GMDS: variants seen among roughly 807,000 people sequenced by gnomAD.
GMDS encodes GDP-mannose 4,6 dehydratase.
Under a neutral mutation model 49.9 loss-of-function variants are expected in GMDS, and 20 were observed. The observed-to-expected ratio is 0.40, with a 90% CI of 0.28 to 0.58. The LOEUF (loss-of-function observed/expected upper bound fraction) is 0.58. GMDS is among the 20% of genes least tolerant of loss of function. The pLI, the probability that GMDS is intolerant of heterozygous loss-of-function variation, is 0.42. For missense variants in GMDS, 362 were observed against 481.4 expected, an observed-to-expected ratio of 0.75 and a Z score of 2.32; for synonymous variants, 177 against 178.6, an observed-to-expected ratio of 0.99 and a Z score of 0.07.
At chr6:1,923,005 G>C (rs1761797513) in intron 7 of GMDS, among the ~76,000 whole-genome samples, 1 of 152,148 alleles carries the variant, frequency 6.6e-6, no homozygotes, top group South Asian at 2.1e-4. Flanking sequence ...AAGAGCTGTT[G>C]GCTTTAAAAG....
chr6:1,870,279 T>C (rs1189874672), intron 7 of GMDS, among the ~76,000 whole-genome samples: 3 of 152,226 alleles, frequency 2.0e-5, no homozygotes, highest in African/African-American at 7.2e-5. Context: ...GCTATGTCAC[T>C]GGACACTGAG....
At chr6:1,808,710 G>T (rs1770282006) in intron 7 of GMDS, among the ~76,000 whole-genome samples, 1 of 152,068 alleles carries the variant, frequency 6.6e-6, no homozygotes, top group Non-Finnish European at 1.5e-5. Flanking sequence ...TTGCCATTTA[G>T]AAAAAGATCA....
intron 7 of GMDS, among the ~76,000 whole-genome samples, chr6:1,846,875 T>G (rs554829642): frequency 6.6e-6 from 1 of 152,286 alleles, no homozygotes; most frequent in East Asian, 1.9e-4. Context: ...CACTGTGGAC[T>G]CTACTAAACC....
chr6:1,711,327 T>A (rs1310930839), intron 9 of GMDS, among the ~76,000 whole-genome samples: 1 of 152,216 alleles, frequency 6.6e-6, no homozygotes, highest in Admixed American at 6.5e-5. Flanking sequence ...TGAGGATGAA[T>A]CCTGGAAGAC....
At chr6:1,724,366 A>AG (rs1766497325) in intron 9 of GMDS, among the ~76,000 whole-genome samples, 1 of 152,180 alleles carries the variant, frequency 6.6e-6, no homozygotes, top group Non-Finnish European at 1.5e-5. Flanking sequence ...ACGGCAGGAA[A>AG]GGGGGTCGAT....
At chr6:1,871,664 C>T (rs1199713002) in intron 7 of GMDS, among the ~76,000 whole-genome samples, 1 of 152,118 alleles carries the variant, frequency 6.6e-6, no homozygotes, top group Non-Finnish European at 1.5e-5. Context: ...GATACTTGTT[C>T]CATGCTAAAT....
intron 7 of GMDS, among the ~76,000 whole-genome samples, chr6:1,925,941 G>C (rs1384742950): frequency 6.6e-6 from 1 of 152,168 alleles, no homozygotes; most frequent in Non-Finnish European, 1.5e-5. Flanking sequence ...TGGATATTGA[G>C]AGAATGTCGA....
At chr6:2,005,218 T>C (rs1011043535) in intron 4 of GMDS, among the ~76,000 whole-genome samples, 3 of 152,168 alleles carry the variant, frequency 2.0e-5, no homozygotes, top group Admixed American at 2.0e-4. Flanking sequence ...CAATGGGGCC[T>C]GGATTAATAA....
chr6:1,860,017 C>T (rs1758109761), intron 7 of GMDS, among the ~76,000 whole-genome samples: 1 of 151,946 alleles, frequency 6.6e-6, no homozygotes, highest in Non-Finnish European at 1.5e-5. Context: ...AGTCCTGAGC[C>T]CCACTGGCCT....
intron 7 of GMDS, among the ~76,000 whole-genome samples, chr6:1,806,039 G>A (rs908208100): frequency 1.3e-5 from 2 of 152,162 alleles, no homozygotes; most frequent in Non-Finnish European, 2.9e-5. Context: ...AGCTACTCAG[G>A]AGGCTGAGGC....
chr6:2,055,390 C>T (rs187775229), intron 4 of GMDS, among the ~76,000 whole-genome samples: 6 of 152,192 alleles, frequency 3.9e-5, no homozygotes, highest in Non-Finnish European at 8.8e-5. Context: ...CACACATAGG[C>T]ATGTCAGTCA....
intron 9 of GMDS, among the ~76,000 whole-genome samples, chr6:1,704,169 A>G (rs1561742641): frequency 6.6e-6 from 1 of 152,198 alleles, no homozygotes; most frequent in Non-Finnish European, 1.5e-5. Context: ...GTGAGTCAAC[A>G]ACACAAGGTT....
At chr6:2,085,219 C>T (rs1772942402) in intron 4 of GMDS, among the ~76,000 whole-genome samples, 1 of 152,206 alleles carries the variant, frequency 6.6e-6, no homozygotes, top group East Asian at 1.9e-4. Context: ...CCCAGGTCCA[C>T]TCTCGTGACC....
At chr6:1,941,974 C>T (rs1044656558) in intron 6 of GMDS, among the ~76,000 whole-genome samples, 4 of 152,192 alleles carry the variant, frequency 2.6e-5, no homozygotes, top group Non-Finnish European at 4.4e-5. Context: ...TCTGCTCCTA[C>T]GCCGTGAACT....
intron 4 of GMDS, among the ~76,000 whole-genome samples, chr6:2,001,400 T>C (rs1262676193): frequency 1.3e-5 from 2 of 152,228 alleles, no homozygotes; most frequent in African/African-American, 4.8e-5. Flanking sequence ...CCTTATCAGA[T>C]ACATGATTTG....
At chr6:1,953,110 G>A (rs1242280916) in intron 6 of GMDS, among the ~76,000 whole-genome samples, 1 of 152,158 alleles carries the variant, frequency 6.6e-6, no homozygotes, top group East Asian at 1.9e-4. Flanking sequence ...ATCTCCTGCG[G>A]AAAGCAAAGG....
At chr6:2,095,115 T>C (rs1409790370) in intron 4 of GMDS, among the ~76,000 whole-genome samples, 1 of 152,206 alleles carries the variant, frequency 6.6e-6, no homozygotes, top group Non-Finnish European at 1.5e-5. Context: ...TCTCATATTC[T>C]ATTATCCCCA....
chr6:1,878,878 C>A (rs1038277065), intron 7 of GMDS, among the ~76,000 whole-genome samples: 1 of 152,106 alleles, frequency 6.6e-6, no homozygotes, highest in Non-Finnish European at 1.5e-5. Context: ...TTTGAAAGAG[C>A]CCCAGCCTTT....
intron 1 of GMDS, among the ~76,000 whole-genome samples, chr6:2,180,551 A>G (rs1409949680): frequency 2.0e-5 from 3 of 152,234 alleles, no homozygotes; most frequent in Admixed American, 2.0e-4. Context: ...AAGAATTGTG[A>G]TAAAGCTATA....
Sources: gnomAD v4.1 joint callset for allele counts (sites outside exome capture counted in the v4.1 genomes callset) on GRCh38, gnomAD v4.1.1 for gene constraint, MANE v1.5 for transcripts, NCBI Gene and HGNC (gene_info 2026-07-23, HGNC 2026-07-21) for gene names.